NOL10: variants seen among roughly 807,000 people sequenced by gnomAD.
The protein encoded by NOL10 is nucleolar protein 10.
Under a neutral mutation model 103.5 loss-of-function variants are expected in NOL10, and 58 were observed. The ratio of observed to expected loss-of-function variants is 0.56; its 90% CI spans 0.45 to 0.70. NOL10 has a LOEUF of 0.70. Ranked by LOEUF, NOL10 falls within the 30% of genes least tolerant of loss-of-function variation. The pLI, the probability that NOL10 is intolerant of heterozygous loss-of-function variation, is 0.00. For missense variants in NOL10, 763 were observed against 807.3 expected, an observed-to-expected ratio of 0.95 and a Z score of 0.67; for synonymous variants, 287 against 282.5, an observed-to-expected ratio of 1.02 and a Z score of -0.16.
chr2:10,676,724 G>A (rs1261715036), intron 3 of NOL10, among the ~76,000 whole-genome samples: 3 of 148,146 alleles, frequency 2.0e-5, no homozygotes, highest in Admixed American at 6.9e-5. Context: ...TGCAACCTCC[G>A]CCTCCCAGGT....
chr2:10,600,405 G>T (rs1187824099), intron 17 of NOL10, among the ~76,000 whole-genome samples: 1 of 152,010 alleles, frequency 6.6e-6, no homozygotes, highest in Non-Finnish European at 1.5e-5. Context: ...TATGAACAAA[G>T]AAAAACAATA....
At chr2:10,583,798 G>A (rs1674886761) in intron 19 of NOL10, among the ~76,000 whole-genome samples, 4 of 152,192 alleles carry the variant, frequency 2.6e-5, no homozygotes. Flanking sequence ...GCTGGTCTCT[G>A]GGTGTCCAGG....
intron 20 of NOL10, 122 bp from the exon 21 acceptor site, chr2:10,572,312 G>T: frequency 1.9e-6 from 2 of 1,047,556 alleles, no homozygotes; most frequent in South Asian, 1.4e-5. Context: ...GAGAAATGCT[G>T]CCCACAGGCT....
chr2:10,607,332 G>A, intron 13 of NOL10, 21 bp from the exon 14 acceptor site: 2 of 1,586,140 alleles, frequency 1.3e-6, no homozygotes. Context: ...TTATGAGAAG[G>A]TCAGCAAAGG....
intron 13 of NOL10, among the ~76,000 whole-genome samples, chr2:10,608,072 G>A (rs1676353101): frequency 6.6e-6 from 1 of 152,076 alleles, no homozygotes; most frequent in Admixed American, 6.5e-5. Context: ...ACTACGTGAG[G>A]TGATGCAAAT....
intron 19 of NOL10, among the ~76,000 whole-genome samples, chr2:10,587,216 T>TATATATAC (rs1675135363): frequency 3.0e-5 from 1 of 33,272 alleles, no homozygotes; most frequent in East Asian, 6.8e-4. Flanking sequence ...CATATATATA[T>TATATATAC]ACATATATAT....
intron 5 of NOL10, chr2:10,673,186 G>A (rs768060035): frequency 2.0e-4 from 39 of 194,618 alleles, no homozygotes; most frequent in Non-Finnish European, 3.6e-4. Flanking sequence ...ATAAATCTAG[G>A]TTAAACGTAA....
At chr2:10,675,348 A>G (rs1681232658) in intron 4 of NOL10, among the ~76,000 whole-genome samples, 1 of 152,170 alleles carries the variant, frequency 6.6e-6, no homozygotes, top group Non-Finnish European at 1.5e-5. Context: ...GCTGACAGCC[A>G]GAAGGAAATG....
In NOL10 at chr2:10,677,839, TTGTGTGTG is replaced by T. The variant is rs58970211; in HGVS notation, c.212-1976_212-1969del. Among the ~76,000 whole-genome samples, 174 of 146,840 alleles carry T rather than the reference TTGTGTGTG, an allele frequency of 1.2e-3. 1 individual carries two copies. The highest frequency in any genetic ancestry group is 3.5e-3 in the African/African-American group (138 of 39,424). On this transcript the variant is annotated intron_variant, in intron 3 of 20. Coordinates refer to ENST00000381685, the MANE Select transcript of NOL10 (RefSeq NM_024894.4). ...TCGTATGGCAATAATTTTAATACATTTGTGTGTGTGTGTGTGTGTGTGTGTGTGTGTGT... is the reference window on the plus strand; with the variant it reads ...TCGTATGGCAATAATTTTAATACATTTGTGTGTGTGTGTGTGTGTGTGTGT...
intron 19 of NOL10, among the ~76,000 whole-genome samples, chr2:10,585,862 A>C (rs1674998550): frequency 6.6e-6 from 1 of 152,258 alleles, no homozygotes; most frequent in Non-Finnish European, 1.5e-5. Flanking sequence ...GTACACGTTC[A>C]GTACAGTTAC....
rs1412489784 is a variant in NOL10 at position 10,654,550 on chromosome 2, A to G, written c.907-3T>C. 6.3e-7 allele frequency: 1 copy of G among 1,586,190 alleles called. No homozygotes were observed. ...TCCAAGGAAGTAAATATTTTTCCCT[A>G]AAAATAGCAAGCAAAAACGAAGTAT... On this transcript the variant is annotated splice_region_variant and splice_polypyrimidine_tract_variant and intron_variant, in intron 11 of 20. Coordinates refer to ENST00000381685, the MANE Select transcript of NOL10 (RefSeq NM_024894.4).
chr2:10,634,592 A>G (rs1425263238), intron 13 of NOL10: 2 of 456,734 alleles, frequency 4.4e-6, no homozygotes, highest in Admixed American at 2.3e-5. Flanking sequence ...ATTAACACAC[A>G]GCTGTTATAT....
At chr2:10,649,216 T>A (rs959681922) in intron 12 of NOL10, among the ~76,000 whole-genome samples, 4 of 149,226 alleles carry the variant, frequency 2.7e-5, no homozygotes, top group Non-Finnish European at 5.9e-5. Context: ...CAGAGATAAA[T>A]AAATCAATTA....
intron 13 of NOL10, among the ~76,000 whole-genome samples, chr2:10,640,092 GAA>G (rs1383844484): frequency 6.6e-6 from 1 of 152,164 alleles, no homozygotes; most frequent in Non-Finnish European, 1.5e-5. Context: ...AAGAGGGAGG[GAA>G]AAAGTTTTCA....
chr2:10,625,372 A>G (rs1677398479), intron 13 of NOL10, among the ~76,000 whole-genome samples: 1 of 151,992 alleles, frequency 6.6e-6, no homozygotes, highest in African/African-American at 2.4e-5. Context: ...GGAGGGACAT[A>G]AGAACTCTGT....
intron 3 of NOL10, among the ~76,000 whole-genome samples, chr2:10,679,877 T>G (rs182781257): frequency 3.1e-3 from 475 of 152,162 alleles, no homozygotes; most frequent in Middle Eastern, 0.01. Flanking sequence ...TGCCTCAGCC[T>G]CCCAAAGTGC....
At chr2:10,603,563 A>G (rs1020355695) in intron 14 of NOL10, among the ~76,000 whole-genome samples, 3 of 152,232 alleles carry the variant, frequency 2.0e-5, no homozygotes, top group African/African-American at 7.2e-5. Flanking sequence ...TTGCAAAGAC[A>G]AAGGACACTC....
At chr2:10,638,483 CTTTTTTTTTT>C (rs869294782) in intron 13 of NOL10, among the ~76,000 whole-genome samples, 2 of 77,784 alleles carry the variant, frequency 2.6e-5, no homozygotes, top group Admixed American at 2.1e-4. Context: ...GCTGAATTCC[CTTTTTTTTTT>C]TTTTTTTTTT....
intron 14 of NOL10, among the ~76,000 whole-genome samples, chr2:10,606,316 T>C (rs1437302019): frequency 2.6e-5 from 4 of 151,820 alleles, no homozygotes; most frequent in Non-Finnish European, 4.4e-5. Flanking sequence ...GAGTTACATG[T>C]AGAACGCTTA....
Sources: allele counts gnomAD v4.1 joint callset (sites outside exome capture counted in the v4.1 genomes callset), GRCh38; gene constraint gnomAD v4.1.1; transcripts MANE v1.5; gene names NCBI Gene and HGNC (gene_info 2026-07-23, HGNC 2026-07-21).